PCDHGB4: variants seen among roughly 807,000 people sequenced by gnomAD.
PCDHGB4 encodes the protein protocadherin gamma-B4.
Under a neutral mutation model 60.5 loss-of-function variants are expected in PCDHGB4, and 38 were observed. The ratio of observed to expected loss-of-function variants is 0.63; its 90% CI spans 0.48 to 0.82. The LOEUF (loss-of-function observed/expected upper bound fraction) is 0.82, where lower values mean the gene tolerates loss of function less well. PCDHGB4 is among the 40% of genes least tolerant of loss of function. The pLI is 0.00. For missense variants in PCDHGB4, 1,109 were observed against 1,209.6 expected (o/e 0.92, Z 1.23); for synonymous variants, 456 against 509.7 (o/e 0.89, Z 1.42).
At position 141,491,070 on chromosome 5, in the gene PCDHGB4, G is replaced by T. The variant is rs1405880268; in HGVS notation, c.2398-3737G>T. On this transcript the variant is annotated intron_variant, in intron 1 of 3. Transcript: ENST00000519479. The surrounding 1 kb of genome is among the most constrained non-coding windows in gnomAD (Gnocchi z 6.9). ...ATGCGTGGCTCTCCTACTCACTGTTGCCACAGTCCACAGCCCCAGGACTGT... is the reference window on the plus strand; with the variant it reads ...ATGCGTGGCTCTCCTACTCACTGTTTCCACAGTCCACAGCCCCAGGACTGT... 6.2e-7 allele frequency: 1 copy of T among 1,614,162 alleles called. No homozygotes were observed. Among genetic ancestry groups the T allele is most frequent in the Non-Finnish European group, 8.5e-7 (1 of 1,180,038 alleles).
At chr5:141,443,538 G>C (rs768723399) in intron 1 of PCDHGB4, among the ~76,000 whole-genome samples, 11 of 152,118 alleles carry the variant, frequency 7.2e-5, no homozygotes. Flanking sequence ...TTTAAAGCTT[G>C]GGAAATTGTT....
intron 1 of PCDHGB4, chr5:141,418,561 T>C: frequency 1.2e-6 from 2 of 1,614,006 alleles, no homozygotes; most frequent in Non-Finnish European, 1.7e-6. Context: ...TGGTAATAGA[T>C]GCCAATGACA....
intron 1 of PCDHGB4, chr5:141,393,180 A>G: frequency 6.2e-7 from 1 of 1,613,356 alleles, no homozygotes; most frequent in South Asian, 1.1e-5. Context: ...AGAAATAGAA[A>G]TAATTGATAT....
chr5:141,419,765 G>A, intron 1 of PCDHGB4: 1 of 1,614,016 alleles, frequency 6.2e-7, no homozygotes, highest in Non-Finnish European at 8.5e-7. Context: ...GGGTGACAAG[G>A]ACTCGGTCCG....
chr5:141,495,424 A>G (rs927637242), intron 2 of PCDHGB4, among the ~76,000 whole-genome samples: 2 of 152,088 alleles, frequency 1.3e-5, no homozygotes, highest in Non-Finnish European at 2.9e-5. Flanking sequence ...CCCTCCTCCC[A>G]CTGTCCTCTG....
chr5:141,433,236 C>G, intron 1 of PCDHGB4: 2 of 1,501,160 alleles, frequency 1.3e-6, no homozygotes, highest in South Asian at 1.3e-5. Flanking sequence ...CTCTGTCTCC[C>G]AAGCTGGAAT....
Position 141,493,775 on chromosome 5 carries a change from G to A in PCDHGB4, c.2398-1032G>A, listed in dbSNP as rs1434978072. ...CCTTGAGTGAGCCACTGGCAGTTCCGGAGCTTCCTTCTCCCTGGAGTAATC... is the reference window on the plus strand; with the variant it reads ...CCTTGAGTGAGCCACTGGCAGTTCCAGAGCTTCCTTCTCCCTGGAGTAATC... On this transcript the variant is annotated intron_variant, in intron 1 of 3. Coordinates refer to ENST00000519479, the MANE Select transcript of PCDHGB4 (RefSeq NM_003736.4). The surrounding 1 kb of genome is among the most constrained non-coding windows in gnomAD (Gnocchi z 4.3). Among the ~76,000 whole-genome samples, 1 of 152,094 alleles carries A rather than the reference G, an allele frequency of 6.6e-6. No individual in the cohort carries two copies. The highest frequency in any genetic ancestry group is 6.5e-5 in the Admixed American group (1 of 15,272).
chr5:141,415,704 T>C (rs1262137262), intron 1 of PCDHGB4: 1 of 1,344,464 alleles, frequency 7.4e-7, no homozygotes, highest in South Asian at 1.3e-5. Context: ...GTGTAAATGC[T>C]AAAACACTGA....
chr5:141,486,894 C>T lies in PCDHGB4; in HGVS notation c.2398-7913C>T. 1 of 1,614,228 alleles carries T rather than the reference C, an allele frequency of 6.2e-7. No homozygotes were observed. Among genetic ancestry groups the T allele is most frequent in the Non-Finnish European group, 8.5e-7 (1 of 1,180,052 alleles). On this transcript the variant is annotated intron_variant, in intron 1 of 3. Transcript: ENST00000519479. The surrounding 1 kb of genome is among the most constrained non-coding windows in gnomAD (Gnocchi z 5.0). ...CTCCGTCCTCGGGCCCGGCCTGGTT[C>T]CTTATGTCCCCAAGCACTGCCTCCA...
intron 1 of PCDHGB4, chr5:141,411,270 A>G (rs1299052773): frequency 6.6e-6 from 1 of 152,160 alleles, no homozygotes; most frequent in African/African-American, 2.4e-5. Context: ...ATATTTTTAA[A>G]GCCTAAAAAT....
intron 1 of PCDHGB4, 48 bp from the exon 2 acceptor site, chr5:141,494,759 C>CT: frequency 6.2e-7 from 1 of 1,613,886 alleles, no homozygotes; most frequent in Non-Finnish European, 8.5e-7. Flanking sequence ...GGGTGACATT[C>CT]TAACTTCTCA....
intron 1 of PCDHGB4, chr5:141,398,054 A>C: frequency 1.3e-6 from 2 of 1,519,030 alleles, no homozygotes; most frequent in Non-Finnish European, 1.8e-6. Context: ...CGGAGATCCA[A>C]AAATCTACAA....
chr5:141,409,198 A>T, intron 1 of PCDHGB4: 1 of 1,614,010 alleles, frequency 6.2e-7, no homozygotes, highest in South Asian at 1.1e-5. Flanking sequence ...CCCAGTGTAA[A>T]GTAATCATAG....
rs1485669709 is a variant in PCDHGB4 at position 141,432,989 on chromosome 5, G to A, written c.2397+42708G>A. On this transcript the variant is annotated intron_variant, in intron 1 of 3. Coordinates refer to ENST00000519479, the MANE Select transcript of PCDHGB4 (RefSeq NM_003736.4). The surrounding 1 kb of genome is among the most constrained non-coding windows in gnomAD (Gnocchi z 6.0). ...GCCGGCGTCGCACTTTGTGGGCGTG[G>A]ACGGGGTGCAGGCTTTCCTGCAGAC... The A allele has an allele frequency of 1.9e-6, 3 of 1,614,210 alleles. No individual in the cohort carries two copies. The highest frequency in any genetic ancestry group is 1.3e-5 in the African/African-American group (1 of 75,066).
intron 3 of PCDHGB4, among the ~76,000 whole-genome samples, chr5:141,506,198 C>T (rs985517638): frequency 3.3e-5 from 5 of 152,156 alleles, no homozygotes; most frequent in Admixed American, 6.5e-5. Context: ...CGCCTGTAAT[C>T]CCAGCACTTT....
Position 141,432,502 on chromosome 5 carries a change from C to T in PCDHGB4, c.2397+42221C>T. On this transcript the variant is annotated intron_variant, in intron 1 of 3. Transcript: ENST00000519479. This position sits in a 1 kb window ranked among gnomAD's most constrained non-coding sequence, Gnocchi z 6.0. ...CTGGCGTGGAGCTGGCTCCCCGCTC[C>T]GCAGAGCCCGGCTACCTGGTGACCA... 6.2e-7 allele frequency: 1 copy of T among 1,614,142 alleles called. No individual in the cohort carries two copies. The highest frequency in any genetic ancestry group is 8.5e-7 in the Non-Finnish European group (1 of 1,180,042).
In PCDHGB4 at chr5:141,478,732, T is replaced by C. The variant is rs772167680; in HGVS notation, c.2398-16075T>C. 7.2e-6 allele frequency: 11 copies of C among 1,537,428 alleles called. No homozygotes were observed. In the South Asian group the frequency reaches 1.2e-4, roughly 17 times the overall value. On this transcript the variant is annotated intron_variant, in intron 1 of 3. Transcript: ENST00000519479. ...GAGATGGTGGCCTGCCAGAGTGTGG[T>C]TTGTGGTCCCATTTCAGGGGGAAGA...
At chr5:141,413,451 CA>C (rs1561742676) in intron 1 of PCDHGB4, 1 of 1,614,118 alleles carries the variant, frequency 6.2e-7, no homozygotes, top group East Asian at 2.2e-5. Context: ...TCACCGCGGG[CA>C]GGATAGACCG....
At chr5:141,500,840 C>T (rs1394248251) in intron 2 of PCDHGB4, among the ~76,000 whole-genome samples, 1 of 151,966 alleles carries the variant, frequency 6.6e-6, no homozygotes, top group Non-Finnish European at 1.5e-5. Flanking sequence ...TGCTAATGGG[C>T]TTTTGCTACA....
Sources: allele counts gnomAD v4.1 joint callset (sites outside exome capture counted in the v4.1 genomes callset), GRCh38; gene constraint gnomAD v4.1.1; non-coding constraint Gnocchi (gnomAD v3.1); transcripts MANE v1.5; gene names NCBI Gene and HGNC (gene_info 2026-07-23, HGNC 2026-07-21).